The following CYP7A1 variants were observed in gnomAD, a reference collection of about 807,000 sequenced individuals.
CYP7A1 encodes cytochrome P450 family 7 subfamily A member 1.
In CYP7A1, 28 loss-of-function variants were observed where a neutral mutation model predicts 43.8. The ratio of observed to expected loss-of-function variants is 0.64; its 90% CI spans 0.47 to 0.88. CYP7A1 has a LOEUF of 0.88. Among genes scored for constraint, CYP7A1 ranks in the 40% least tolerant of loss-of-function variants. The probability of loss-of-function intolerance (pLI) is 0.00; values close to 1 mark genes in which losing one functional copy is unlikely to be tolerated. For missense variants in CYP7A1, 637 were observed against 611.9 expected (o/e 1.04, Z -0.43); for synonymous variants, 227 against 222.5 (o/e 1.02, Z -0.18).
In CYP7A1 at chr8:58,498,264, C is replaced by G. The variant is rs753399056; in HGVS notation, c.286G>C (p.Asp96His). ...GTAGCAAAGTGAAATTTTTTCCAAT[C>G]AAAATATTTTCCGTGGCACAACACC... Reference protein sequence around the residue: ...HKVLCHGKYFDWKKFHFATSA... With the variant: ...HKVLCHGKYFHWKKFHFATSA... The change falls in exon 2 of 6, where the codon GAT becomes CAT. Residue 96 changes from aspartate (D) to histidine (H), a missense_variant. Transcript: ENST00000301645. The G allele has an allele frequency of 1.2e-6, 2 of 1,614,010 alleles. No homozygotes were observed. Among genetic ancestry groups the G allele is most frequent in the South Asian group, 2.2e-5 (2 of 91,052 alleles).
intron 5 of CYP7A1, 83 bp downstream of exon 5, chr8:58,492,270 A>G: frequency 8.7e-7 from 1 of 1,156,036 alleles, no homozygotes; most frequent in East Asian, 2.3e-5. Flanking sequence ...TGATAAAATC[A>G]ATTCTACCAT....
At position 58,491,719 on chromosome 8, in the gene CYP7A1, T is replaced by C. The variant is rs1027036041; in HGVS notation, c.1271A>G (p.Tyr424Cys). 3.1e-6 allele frequency: 5 copies of C among 1,613,196 alleles called. No homozygotes were observed. Among genetic ancestry groups the C allele is most frequent in the Non-Finnish European group, 4.2e-6 (5 of 1,179,246 alleles). ...ATACTTTAACTTGAGTCCATTACAA[T>C]AGAAGGTAGTCTTTGTCTTCCCGTT... ...DENGKTKTTF[Y>C]CNGLKLKYYY... Residue 424 changes from tyrosine (Y) to cysteine (C), a missense_variant, in exon 6 of 6, where the codon TAT (tyrosine) becomes TGT (cysteine). Tyr to Cys is a radical substitution (Grantham distance 194). Transcript: ENST00000301645.
At chr8:58,497,312 C>G in intron 2 of CYP7A1, 122 bp from the exon 3 acceptor site, 4 of 860,514 alleles carry the variant, frequency 4.6e-6, no homozygotes, top group Non-Finnish European at 7.5e-6. Flanking sequence ...AATTGGCTTT[C>G]CCTTGTACAA....
At chr8:58,497,856 G>A (rs1360644364) in intron 2 of CYP7A1, among the ~76,000 whole-genome samples, 3 of 152,152 alleles carry the variant, frequency 2.0e-5, no homozygotes, top group Non-Finnish European at 4.4e-5. Flanking sequence ...AACACTGTGT[G>A]GCACAAGTGT....
intron 2 of CYP7A1, among the ~76,000 whole-genome samples, chr8:58,497,982 A>G (rs1173123616): frequency 6.6e-6 from 1 of 152,214 alleles, no homozygotes; most frequent in Admixed American, 6.5e-5. Flanking sequence ...TCAGTAGAGC[A>G]TTTAATCTGT....
At chr8:58,492,582 G>C in intron 4 of CYP7A1, 54 bp from the exon 5 acceptor site, 1 of 1,452,536 alleles carries the variant, frequency 6.9e-7, no homozygotes, top group Non-Finnish European at 9.6e-7. Context: ...AGGGAGGAAG[G>C]AAGAGAAGAA....
chr8:58,496,827 T>C lies in CYP7A1; in HGVS notation c.685A>G (p.Arg229Gly). 6.2e-7 allele frequency: 1 copy of C among 1,614,242 alleles called. No individual in the cohort carries two copies. Among genetic ancestry groups the C allele is most frequent in the Non-Finnish European group, 8.5e-7 (1 of 1,180,048 alleles). ...TTCTCCCGGGCATTGTGCGCAGTCC[T>C]GAACATGTGAATGGGGAGGCCTGCT... ...LVAGLPIHMF[R>G]TAHNAREKLA... Residue 229 changes from arginine to glycine, a missense_variant, in exon 3 of 6, where the codon AGG becomes GGG. By Grantham distance (125) the Arg-to-Gly change is moderately radical (BLOSUM62 -2). Transcript: ENST00000301645.
In CYP7A1 at chr8:58,491,741, C is replaced by T. The variant is rs201787113; in HGVS notation, c.1249G>A (p.Gly417Arg). ...CAATAGAAGGTAGTCTTTGTCTTCC[C>T]GTTTTCATCAAGATACCTATCATAT... ...FKYDRYLDENGKTKTTFYCNG... is the reference protein window; with the variant it reads ...FKYDRYLDENRKTKTTFYCNG... Residue 417 changes from glycine (G) to arginine (R), a missense_variant, in exon 6 of 6, where the codon GGG (glycine) becomes AGG (arginine). Physicochemically the swap from Gly to Arg is moderately radical, Grantham distance 125. Transcript: ENST00000301645. 568 of 1,613,404 alleles carry T rather than the reference C, an allele frequency of 3.5e-4. No homozygotes were observed. Among genetic ancestry groups the T allele is most frequent in the Non-Finnish European group, 4.6e-4 (541 of 1,179,518 alleles).
At chr8:58,496,413 C>T (rs918393404) in intron 3 of CYP7A1, among the ~76,000 whole-genome samples, 191 bp downstream of exon 3, 4 of 152,090 alleles carry the variant, frequency 2.6e-5, no homozygotes, top group Admixed American at 2.6e-4. Flanking sequence ...ACACTTTTAC[C>T]AGCCATAGCT....
chr8:58,494,183 A>G (rs1809402447), intron 4 of CYP7A1, among the ~76,000 whole-genome samples: 1 of 152,132 alleles, frequency 6.6e-6, no homozygotes, highest in Non-Finnish European at 1.5e-5. Context: ...TGCTTCCATT[A>G]ACCATCAGAT....
rs779251933 is a variant in CYP7A1, at chr8:58,492,364, G to C, written c.1204C>G (p.Pro402Ala). ...GGGCAGGCACTTACCAAAGGGTCTG[G>C]GTAGATTTCTGGATCTAAGTGCATT... is the stretch of plus-strand genomic sequence containing the variant. Reference protein sequence around the residue: ...QLMHLDPEIYPDPLTFKYDRY... With the variant: ...QLMHLDPEIYADPLTFKYDRY... The change falls in exon 5 of 6, where the codon CCA becomes GCA. Residue 402 changes from proline to alanine, a missense_variant. Coordinates refer to ENST00000301645, the MANE Select transcript of CYP7A1 (RefSeq NM_000780.4). 6.2e-7 allele frequency: 1 copy of C among 1,613,684 alleles called. No homozygotes were observed. The highest frequency in any genetic ancestry group is 8.5e-7 in the Non-Finnish European group (1 of 1,179,654).
In CYP7A1 at chr8:58,500,102, G is replaced by A. The variant is rs1317790527; in HGVS notation, c.-4C>T. The A allele has an allele frequency of 1.2e-6, 2 of 1,610,818 alleles. No individual in the cohort carries two copies. Among genetic ancestry groups the A allele is most frequent in the Non-Finnish European group, 1.7e-6 (2 of 1,177,364 alleles). On this transcript the variant is annotated 5_prime_UTR_variant, in exon 1 of 6. Coordinates refer to ENST00000301645, the MANE Select transcript of CYP7A1 (RefSeq NM_000780.4). ...AAATCAAAGATGTGGTCATCATTTTGCAAATCTAGGCCAAAATCTCTGAGG... is the reference window on the plus strand; with the variant it reads ...AAATCAAAGATGTGGTCATCATTTTACAAATCTAGGCCAAAATCTCTGAGG...
rs1563484457 is a variant in CYP7A1 at position 58,497,166 on chromosome 8, G to A, written c.346C>T (p.Pro116Ser). The A allele has an allele frequency of 1.3e-6, 2 of 1,599,584 alleles. No homozygotes were observed. ...TTTTCAGTGGTATTTCCATCCATCG[G>A]GTCAATGCTTCTGTGCCCAAATGCC... The part of the protein sequence containing the change: ...AKAFGHRSID[P>S]MDGNTTENIN... The change falls in exon 3 of 6, where the codon CCG becomes TCG. Residue 116 changes from proline (P) to serine (S), a missense_variant. Pro to Ser is a moderately conservative substitution (Grantham distance 74). Transcript: ENST00000301645.
rs753487730 is a variant in CYP7A1 at position 58,497,174 on chromosome 8, C to T, written c.338G>A (p.Ser113Asn). The change falls in exon 3 of 6, where the codon AGC becomes AAC. Residue 113 changes from serine (S) to asparagine (N), a missense_variant. Transcript: ENST00000301645. ...GGTATTTCCATCCATCGGGTCAATG[C>T]TTCTGTGCCCAAATGCCTGATAGCA... is the stretch of plus-strand genomic sequence containing the variant. Reference protein sequence around the residue: ...ATSAKAFGHRSIDPMDGNTTE... With the variant: ...ATSAKAFGHRNIDPMDGNTTE... The T allele has an allele frequency of 3.1e-6, 5 of 1,599,592 alleles. No individual in the cohort carries two copies. Among genetic ancestry groups the T allele is most frequent in the South Asian group, 1.1e-5 (1 of 91,070 alleles).
intron 1 of CYP7A1, among the ~76,000 whole-genome samples, chr8:58,499,401 T>G (rs189449882): frequency 6.6e-6 from 1 of 152,224 alleles, no homozygotes; most frequent in Non-Finnish European, 1.5e-5. Flanking sequence ...GTTCTGGATC[T>G]GACTGTATTT....
At chr8:58,493,345 T>C (rs1809382624) in intron 4 of CYP7A1, among the ~76,000 whole-genome samples, 1 of 152,196 alleles carries the variant, frequency 6.6e-6, no homozygotes, top group African/African-American at 2.4e-5. Context: ...GTTCAACATT[T>C]ACAAGAACCT....
rs1367645025 is a variant in CYP7A1 at position 58,498,453 on chromosome 8, G to A, written c.97C>T (p.Pro33Ser). ...GIRRRQTGEPPLENGLIPYLG... is the reference protein window; with the variant it reads ...GIRRRQTGEPSLENGLIPYLG... The stretch of plus-strand genomic sequence containing the variant: ...TATGGAATTAATCCATTCTCTAGAG[G>A]TGGTTCACCCGTTTGCCTGTCAGAC... The change falls in exon 2 of 6, where the codon CCT becomes TCT. Residue 33 changes from proline to serine, a missense_variant. Physicochemically the swap from Pro to Ser is moderately conservative, Grantham distance 74. Transcript: ENST00000301645. 2 of 1,614,096 alleles carry A rather than the reference G, an allele frequency of 1.2e-6. No homozygotes were observed. The highest frequency in any genetic ancestry group is 1.7e-5 in the Admixed American group (1 of 60,028).
chr8:58,494,531 T>C lies in CYP7A1; in HGVS notation c.1014A>G (p.Ala338=), dbSNP rs1434478772. 2 of 1,614,052 alleles carry C rather than the reference T, an allele frequency of 1.2e-6. No individual in the cohort carries two copies. Among genetic ancestry groups the C allele is most frequent in the East Asian group, 2.2e-5 (1 of 44,880 alleles). Reference sequence around the variant, plus strand: ...CTAATACTGGCAGGTCATTCAGTTCTGCTTGACTCAAACAAATAGGATTGC... The same window carrying C: ...CTAATACTGGCAGGTCATTCAGTTCCGCTTGACTCAAACAAATAGGATTGC... ...LEGNPICLSQ[A]ELNDLPVLDS... The change falls in exon 4 of 6, where the codon GCA becomes GCG. Residue 338 remains alanine, a synonymous_variant. Coordinates refer to ENST00000301645, the MANE Select transcript of CYP7A1 (RefSeq NM_000780.4).
chr8:58,498,846 A>G (rs2129605929), intron 1 of CYP7A1, among the ~76,000 whole-genome samples: 1 of 152,352 alleles, frequency 6.6e-6, no homozygotes, highest in Non-Finnish European at 1.5e-5. Context: ...TTTGCTAAGC[A>G]TCATTTTTCT....
Sources: gnomAD v4.1 joint callset for allele counts (sites outside exome capture counted in the v4.1 genomes callset) on GRCh38, gnomAD v4.1.1 for gene constraint, MANE v1.5 for transcripts, NCBI Gene and HGNC (gene_info 2026-07-23, HGNC 2026-07-21) for gene names.